DCBLD2: variants seen among roughly 807,000 people sequenced by gnomAD.
DCBLD2 encodes the protein discoidin, CUB and LCCL domain-containing protein 2.
DCBLD2 carries 54 observed loss-of-function variants against 86.8 expected under a neutral mutation model. The ratio of observed to expected loss-of-function variants is 0.62; its 90% CI spans 0.50 to 0.78. DCBLD2 has a LOEUF of 0.78. DCBLD2 is among the 30% of genes least tolerant of loss of function. The pLI is 0.00. For synonymous variants in DCBLD2, 354 were observed against 341.3 expected (o/e 1.04, Z -0.41); for missense variants, 908 against 954.2 (o/e 0.95, Z 0.64).
chr3:98,862,530 T>TG (rs1943063113), intron 2 of DCBLD2, among the ~76,000 whole-genome samples: 1 of 152,196 alleles, frequency 6.6e-6, no homozygotes, highest in Admixed American at 6.5e-5. Flanking sequence ...CACGATCAAG[T>TG]GGGCTTCATC....
intron 2 of DCBLD2, among the ~76,000 whole-genome samples, chr3:98,859,064 A>G (rs1419058958): frequency 2.0e-5 from 3 of 152,152 alleles, no homozygotes; most frequent in African/African-American, 7.2e-5. Flanking sequence ...AGCAAACGGC[A>G]CACCAGGAGA....
chr3:98,881,270 A>C (rs1327654431), intron 2 of DCBLD2, among the ~76,000 whole-genome samples: 5 of 151,694 alleles, frequency 3.3e-5, no homozygotes, highest in Admixed American at 6.6e-5. Context: ...AAAAAACAAA[A>C]AAAAAAAAAC....
chr3:98,800,744 C>A (rs201624066), intron 14 of DCBLD2, 28 bp from the exon 15 acceptor site: 1 of 1,613,432 alleles, frequency 6.2e-7, no homozygotes, highest in South Asian at 1.1e-5. Flanking sequence ...GCCAAAGAGA[C>A]CATTAAATAA....
intron 12 of DCBLD2, among the ~76,000 whole-genome samples, chr3:98,809,764 C>T (rs1321037803): frequency 6.6e-6 from 1 of 152,160 alleles, no homozygotes; most frequent in East Asian, 1.9e-4. Context: ...ACTACAGAGG[C>T]ACAAATCTGA....
rs149148028 is a variant in DCBLD2, at chr3:98,848,852, T to C, written c.571+609A>G. Among the ~76,000 whole-genome samples, 802 of 152,264 alleles carry C rather than the reference T, an allele frequency of 5.3e-3. 7 individuals carry two copies. Among genetic ancestry groups the C allele is most frequent in the African/African-American group, 0.018 (759 of 41,572 alleles). On this transcript the variant is annotated intron_variant, in intron 3 of 15. Transcript: ENST00000326840. ...TAATGTTTTAAATTGATATAAAACA[T>C]TTCAATAATTTATAAATTTTAAAAA...
In DCBLD2 at chr3:98,849,506, A is replaced by G; in HGVS notation, c.526T>C (p.Ser176Pro). The G allele has an allele frequency of 1.9e-6, 3 of 1,613,968 alleles. No homozygotes were observed. The highest frequency in any genetic ancestry group is 1.1e-5 in the South Asian group (1 of 91,076). Residue 176 changes from serine to proline, a missense_variant, in exon 3 of 16, where the codon TCT becomes CCT. Coordinates refer to ENST00000326840, the MANE Select transcript of DCBLD2 (RefSeq NM_080927.4). ...TATGAGGCCAAAAATCCGCGTCCAG[A>G]AACATGGATTCCACTCATGAACAGC... The part of the protein sequence containing the change: ...TLLFMSGIHV[S>P]GRGFLASYSV...
intron 1 of DCBLD2, among the ~76,000 whole-genome samples, chr3:98,888,090 T>C (rs1943593185): frequency 6.6e-6 from 1 of 152,018 alleles, no homozygotes; most frequent in African/African-American, 2.4e-5. Context: ...TTGGTAGCCT[T>C]TTCGGATTGG....
chr3:98,852,269 A>G, intron 2 of DCBLD2, among the ~76,000 whole-genome samples: 1 of 143,098 alleles, frequency 7.0e-6, no homozygotes, highest in East Asian at 2.1e-4. Context: ...TTTTTTTTAA[A>G]GGAGTCTCGC....
At chr3:98,869,922 G>A (rs752907860) in intron 2 of DCBLD2, among the ~76,000 whole-genome samples, 2 of 152,218 alleles carry the variant, frequency 1.3e-5, no homozygotes, top group Non-Finnish European at 2.9e-5. Flanking sequence ...AAAATGGAGT[G>A]CTATAAATAG....
rs568361411 is a variant in DCBLD2, at chr3:98,804,343, T to C, written c.1671-2694A>G. Among the ~76,000 whole-genome samples, 22 of 152,344 alleles carry C rather than the reference T, an allele frequency of 1.4e-4. 1 individual carries two copies. Among genetic ancestry groups the C allele is most frequent in the Admixed American group, 1.2e-3 (19 of 15,308 alleles). ...TCTAGTTTATTTGCATAGAGGTGTT[T>C]GTAGTATTCTCTGATGGTAGTTTGT... On this transcript the variant is annotated intron_variant, in intron 13 of 15. Coordinates refer to ENST00000326840, the MANE Select transcript of DCBLD2 (RefSeq NM_080927.4).
intron 1 of DCBLD2, among the ~76,000 whole-genome samples, chr3:98,899,678 A>G (rs1049633917): frequency 5.9e-5 from 9 of 152,202 alleles, no homozygotes; most frequent in Non-Finnish European, 1.0e-4. Context: ...CAAGCAAAGC[A>G]GAGTACTCTG....
In DCBLD2 at chr3:98,801,606, G is replaced by A. The variant is rs775428298; in HGVS notation, c.1714C>T (p.Arg572Trp). The A allele has an allele frequency of 5.0e-6, 8 of 1,609,136 alleles. No homozygotes were observed. The highest frequency in any genetic ancestry group is 1.1e-5 in the South Asian group (1 of 90,094). ...CAAAGACCACGTGAGTTACCTGCCC[G>A]GTCCCAGTAAGGTAAGTCATAGGTG... ...EGTYDLPYWDRAGWWKGMKQF... is the reference protein window; with the variant it reads ...EGTYDLPYWDWAGWWKGMKQF... The change falls in exon 14 of 16, where the codon CGG (arginine) becomes TGG (tryptophan). Residue 572 changes from arginine to tryptophan, a missense_variant. Coordinates refer to ENST00000326840, the MANE Select transcript of DCBLD2 (RefSeq NM_080927.4).
Position 98,811,245 on chromosome 3 carries a change from T to C in DCBLD2, c.1525A>G (p.Thr509Ala), listed in dbSNP as rs79117361. 1.9e-6 allele frequency: 3 copies of C among 1,612,344 alleles called. No homozygotes were observed. The highest frequency in any genetic ancestry group is 2.7e-5 in the African/African-American group (2 of 74,796). Reference protein sequence around the residue: ...NEFPAQTEQTTASPDIRNTTV... With the variant: ...NEFPAQTEQTAASPDIRNTTV... ...GTATTTCTGATATCAGGACTGGCAGTTGTTTGTTCTGTCTGTGCAGGAAAT... is the reference window on the plus strand; with the variant it reads ...GTATTTCTGATATCAGGACTGGCAGCTGTTTGTTCTGTCTGTGCAGGAAAT... Residue 509 changes from threonine to alanine, a missense_variant, in exon 12 of 16, where the codon ACT becomes GCT. By Grantham distance (58) the Thr-to-Ala change is moderately conservative (BLOSUM62 0). Around this residue, in one of 3 missense-constraint regions of DCBLD2, gnomAD observed 606 missense variants for 678.5 expected, o/e 0.89. Coordinates refer to ENST00000326840, the MANE Select transcript of DCBLD2 (RefSeq NM_080927.4).
rs564092706 is a variant in DCBLD2 at position 98,847,249 on chromosome 3, C to T, written c.571+2212G>A. Among the ~76,000 whole-genome samples the T allele has an allele frequency of 5.3e-5, 8 of 152,226 alleles. No homozygotes were observed. In the East Asian group the frequency reaches 9.6e-4, roughly 18 times the overall value. On this transcript the variant is annotated intron_variant, in intron 3 of 15. Transcript: ENST00000326840. ...TTTTTATTAGATTCAGTCCTCACAA[C>T]GAATCCATTCAAAGATACAACTCAC...
At chr3:98,868,681 C>T (rs982775820) in intron 2 of DCBLD2, among the ~76,000 whole-genome samples, 10 of 151,966 alleles carry the variant, frequency 6.6e-5, no homozygotes, top group Non-Finnish European at 1.0e-4. Flanking sequence ...AAGGTTAGTC[C>T]CCCCTTGTGA....
rs1942462806 is a variant in DCBLD2, at chr3:98,836,709, TG to T, written c.572-11344del. The stretch of plus-strand genomic sequence containing the variant: ...CCCATCACCTCCCGGACGGGGCGGC[TG>T]GCCGGGCGGGGGGGCTGACCCCCCC... On this transcript the variant is annotated intron_variant, in intron 3 of 15. Transcript: ENST00000326840. Among the ~76,000 whole-genome samples the T allele has an allele frequency of 4.3e-5, 3 of 70,276 alleles. 1 individual carries two copies. Among genetic ancestry groups the T allele is most frequent in the African/African-American group, 1.4e-4 (3 of 21,552 alleles). 46.1% of individuals were successfully genotyped at this position (70,276 alleles called of 152,430 possible).
At chr3:98,812,655 G>T in intron 9 of DCBLD2, 173 bp from the exon 10 acceptor site, 5 of 501,988 alleles carry the variant, frequency 1.0e-5, no homozygotes, top group Non-Finnish European at 1.7e-5. Flanking sequence ...ATATTAAGAT[G>T]CTGCACATTT....
intron 1 of DCBLD2, among the ~76,000 whole-genome samples, chr3:98,891,287 G>A (rs1208473356): frequency 6.6e-6 from 1 of 151,870 alleles, no homozygotes; most frequent in Non-Finnish European, 1.5e-5. Context: ...AGAAATCCTG[G>A]TGAATGAGAG....
intron 1 of DCBLD2, among the ~76,000 whole-genome samples, chr3:98,886,445 G>GA (rs1040565307): frequency 1.3e-5 from 2 of 151,866 alleles, no homozygotes; most frequent in Admixed American, 1.3e-4. Context: ...ACTACTCTTG[G>GA]AAAAAACAAC....
Sources: allele counts gnomAD v4.1 joint callset (sites outside exome capture counted in the v4.1 genomes callset), GRCh38; gene constraint gnomAD v4.1.1; regional missense constraint gnomAD v4.1.1; transcripts MANE v1.5; gene names NCBI Gene and HGNC (gene_info 2026-07-23, HGNC 2026-07-21).